The following IFT81 variants were observed in gnomAD, a reference collection of about 807,000 sequenced individuals.
IFT81 encodes the protein intraflagellar transport 81.
IFT81 carries 72 observed loss-of-function variants against 102.6 expected under a neutral mutation model. The observed-to-expected ratio is 0.70, with a 90% CI of 0.58 to 0.85. IFT81 has a LOEUF of 0.85. Among genes scored for constraint, IFT81 ranks in the 40% least tolerant of loss-of-function variants. The probability of loss-of-function intolerance (pLI) is 0.00; values close to 1 mark genes in which losing one functional copy is unlikely to be tolerated. For synonymous variants in IFT81, 237 were observed against 242.7 expected (o/e 0.98, Z 0.22); for missense variants, 723 against 787.3 (o/e 0.92, Z 0.98).
chr12:110,134,857 A>C, intron 5 of IFT81, 91 bp from the exon 6 acceptor site: 1 of 874,448 alleles, frequency 1.1e-6, no homozygotes, highest in African/African-American at 1.8e-5. Flanking sequence ...AAATGATGAA[A>C]ATGTTAGATG....
At chr12:110,180,155 G>A (rs752091511) in intron 11 of IFT81, among the ~76,000 whole-genome samples, 65 of 151,720 alleles carry the variant, frequency 4.3e-4, no homozygotes, top group Non-Finnish European at 8.4e-4. Flanking sequence ...AATAGGCCCT[G>A]CAAATAAGTA....
In IFT81 at chr12:110,180,567, A is replaced by T. The variant is rs775236134; in HGVS notation, c.1334A>T (p.Gln445Leu). Residue 445 changes from glutamine to leucine, a missense_variant, in exon 12 of 19, where the codon CAA becomes CTA. Physicochemically the swap from Gln to Leu is moderately radical, Grantham distance 113. Transcript: ENST00000242591. ...CAACGTCATGAAAATATTCAACAACAACTGGTAATACAGTATTATCTTGGG... is the reference window on the plus strand; with the variant it reads ...CAACGTCATGAAAATATTCAACAACTACTGGTAATACAGTATTATCTTGGG... Reference protein sequence around the residue: ...LKQRHENIQQQLQTMEEKKGI... With the variant: ...LKQRHENIQQLLQTMEEKKGI... The T allele has an allele frequency of 1.9e-6, 3 of 1,602,702 alleles. No individual in the cohort carries two copies. In the Admixed American group the frequency reaches 5.0e-5, roughly 27 times the overall value.
chr12:110,180,511 T>C lies in IFT81; in HGVS notation c.1278T>C (p.Gly426=). The change falls in exon 12 of 19, where the codon GGT becomes GGC. Residue 426 remains glycine (G), a synonymous_variant. Transcript: ENST00000242591. ...TAGCTGAACTTAAAGCTGAATTCGG[T>C]CTTTTGCAGAGGACTGAAGAACTTC... is the stretch of plus-strand genomic sequence containing the variant. ...QIIAELKAEF[G]LLQRTEELLK... is the part of the protein sequence containing the mutation. 1 of 1,610,966 alleles carries C rather than the reference T, an allele frequency of 6.2e-7. No individual in the cohort carries two copies. The highest frequency in any genetic ancestry group is 1.1e-5 in the South Asian group (1 of 90,800).
At chr12:110,133,194 C>T (rs949801832) in intron 5 of IFT81, among the ~76,000 whole-genome samples, 1 of 151,864 alleles carries the variant, frequency 6.6e-6, no homozygotes, top group Non-Finnish European at 1.5e-5. Context: ...TTGGTCTTGA[C>T]CTCCTGGGCT....
chr12:110,215,661 G>C (rs1389643772), intron 18 of IFT81, among the ~76,000 whole-genome samples: 1 of 150,526 alleles, frequency 6.6e-6, no homozygotes, highest in Non-Finnish European at 1.5e-5. Flanking sequence ...TAGAGACAGG[G>C]GCGTCTCACT....
intron 11 of IFT81, among the ~76,000 whole-genome samples, chr12:110,163,302 G>A (rs185649725): frequency 2.0e-5 from 3 of 151,778 alleles, no homozygotes; most frequent in South Asian, 2.1e-4. Context: ...GTGCAATGGC[G>A]GGATCTCTGC....
chr12:110,176,118 C>T (rs913860985), intron 11 of IFT81, among the ~76,000 whole-genome samples: 1 of 152,082 alleles, frequency 6.6e-6, no homozygotes, highest in African/African-American at 2.4e-5. Flanking sequence ...TGTGTTTCCT[C>T]AGCCCCTAAT....
chr12:110,212,159 A>G (rs895520905), intron 18 of IFT81, among the ~76,000 whole-genome samples: 2 of 152,070 alleles, frequency 1.3e-5, no homozygotes, highest in Non-Finnish European at 2.9e-5. Context: ...TAGCTCCTAG[A>G]AACCTATAAG....
At chr12:110,151,576 A>G (rs1188246469) in intron 10 of IFT81, among the ~76,000 whole-genome samples, 1 of 152,212 alleles carries the variant, frequency 6.6e-6, no homozygotes, top group Non-Finnish European at 1.5e-5. Flanking sequence ...TTTATGGTAT[A>G]CAACATGATG....
chr12:110,137,666 G>A (rs544935348), intron 8 of IFT81, among the ~76,000 whole-genome samples: 1 of 151,760 alleles, frequency 6.6e-6, no homozygotes, highest in East Asian at 1.9e-4. Context: ...AACCTAGAAG[G>A]CAGAGGTTGC....
chr12:110,193,647 A>G (rs1039394358), intron 14 of IFT81, among the ~76,000 whole-genome samples: 1 of 152,364 alleles, frequency 6.6e-6, no homozygotes, highest in African/African-American at 2.4e-5. Flanking sequence ...ACTTGAAACT[A>G]CAAAAATACA....
intron 18 of IFT81, chr12:110,216,654 G>A (rs1007426677): frequency 2.5e-5 from 11 of 440,064 alleles, no homozygotes; most frequent in African/African-American, 2.0e-4. Flanking sequence ...GGAATTACAG[G>A]CACATGCCAC....
intron 9 of IFT81, among the ~76,000 whole-genome samples, chr12:110,144,890 G>A (rs569116080): frequency 1.5e-5 from 2 of 135,244 alleles, no homozygotes; most frequent in South Asian, 2.4e-4. Context: ...TTTTTTTGAC[G>A]GAACTTGCTC....
Position 110,209,183 on chromosome 12 carries a change from C to T in IFT81, c.1815C>T (p.Thr605=), listed in dbSNP as rs1869079540. The T allele has an allele frequency of 6.5e-7, 1 of 1,546,852 alleles. No individual in the cohort carries two copies. Among genetic ancestry groups the T allele is most frequent in the South Asian group, 1.1e-5 (1 of 87,684 alleles). The change falls in exon 18 of 19, where the codon ACC becomes ACT. Residue 605 remains threonine, a synonymous_variant. Transcript: ENST00000242591. ...EKRKAIREQY[T]KNTAEQENLG... The stretch of plus-strand genomic sequence containing the variant: ...GTTGACTCCCTAGGGAACAGTATAC[C>T]AAAAATACTGCTGAACAAGAAAACC...
intron 11 of IFT81, among the ~76,000 whole-genome samples, chr12:110,173,021 C>T (rs1341308061): frequency 4.1e-5 from 6 of 147,380 alleles, no homozygotes; most frequent in South Asian, 2.1e-4. Flanking sequence ...GCCAGCCGCC[C>T]CGTCCAGGAG....
intron 18 of IFT81, among the ~76,000 whole-genome samples, chr12:110,214,647 C>T (rs1273028211): frequency 6.6e-6 from 1 of 152,150 alleles, no homozygotes; most frequent in Admixed American, 6.5e-5. Context: ...TACATACTAA[C>T]ATCAGTTGTA....
In IFT81 at chr12:110,196,166, T is replaced by C. The variant is rs917310649; in HGVS notation, c.1557+3460T>C. 4.6e-5 allele frequency among the ~76,000 whole-genome samples: 7 copies of C among 152,182 alleles called. No individual in the cohort carries two copies. The South Asian group carries it at 6.2e-4, about 13-fold the overall frequency. ...TGAATGTGCTTAATGCCAACTGAAT[T>C]GCACACTTAAAAAATGGTTAAAATG... On this transcript the variant is annotated intron_variant, in intron 14 of 18. Coordinates refer to ENST00000242591, the MANE Select transcript of IFT81 (RefSeq NM_014055.4).
At chr12:110,215,487 C>T (rs1869985387) in intron 18 of IFT81, among the ~76,000 whole-genome samples, 1 of 66,538 alleles carries the variant, frequency 1.5e-5, no homozygotes, top group African/African-American at 8.7e-5. Context: ...TTTTTTGAGA[C>T]AGTCTCACTC....
intron 4 of IFT81, among the ~76,000 whole-genome samples, chr12:110,131,539 G>C (rs973464264): frequency 6.6e-6 from 1 of 151,830 alleles, no homozygotes; most frequent in Non-Finnish European, 1.5e-5. Context: ...GTAGAGACAG[G>C]GTTTCACCAT....
Sources: allele counts gnomAD v4.1 joint callset (sites outside exome capture counted in the v4.1 genomes callset), GRCh38; gene constraint gnomAD v4.1.1; transcripts MANE v1.5; gene names NCBI Gene and HGNC (gene_info 2026-07-23, HGNC 2026-07-21).